The following SETD5 variants were observed in gnomAD, a reference collection of about 807,000 sequenced individuals.
SETD5 encodes the protein histone-lysine N-methyltransferase SETD5.
A neutral mutation model predicts 153.3 loss-of-function variants in SETD5; 44 were observed. The ratio of observed to expected loss-of-function variants is 0.29; its 90% CI spans 0.23 to 0.37. The LOEUF (loss-of-function observed/expected upper bound fraction) is 0.37. Ranked by LOEUF, SETD5 falls within the 10% of genes least tolerant of loss-of-function variation. SETD5 has a pLI of 1.00. For synonymous variants in SETD5, 716 were observed against 645.2 expected, an observed-to-expected ratio of 1.11 and a Z score of -1.66; for missense variants, 1,544 against 1,768.0, an observed-to-expected ratio of 0.87 and a Z score of 2.27.
intron 13 of SETD5, 40 bp from the exon 14 acceptor site, chr3:9,447,010 A>C (rs886617022): frequency 6.6e-7 from 1 of 1,520,164 alleles, no homozygotes; most frequent in South Asian, 1.2e-5. Context: ...ACTCGTCCTC[A>C]TTTGAAGCTT....
chr3:9,462,272 C>T (rs1247911796), intron 17 of SETD5, among the ~76,000 whole-genome samples: 1 of 152,190 alleles, frequency 6.6e-6, no homozygotes, highest in Non-Finnish European at 1.5e-5. Context: ...TGGGGATATA[C>T]TTTAACCTAT....
intron 17 of SETD5, among the ~76,000 whole-genome samples, chr3:9,458,868 G>T (rs1196937664): frequency 6.6e-6 from 1 of 152,030 alleles, no homozygotes; most frequent in East Asian, 1.9e-4. Flanking sequence ...TTATATATAA[G>T]GTTGGTGCAA....
At chr3:9,450,991 G>T (rs1272684574) in intron 16 of SETD5, among the ~76,000 whole-genome samples, 1 of 152,086 alleles carries the variant, frequency 6.6e-6, no homozygotes, top group African/African-American at 2.4e-5. Context: ...TTTTTAAGAA[G>T]CATTTTGCAT....
In SETD5 at chr3:9,448,351, C is replaced by G. The variant is rs1197780909; in HGVS notation, c.2104-37C>G. 9 of 1,605,492 alleles carry G rather than the reference C, an allele frequency of 5.6e-6. No homozygotes were observed. In the East Asian group the frequency reaches 1.1e-4, roughly 20 times the overall value. On this transcript the variant is annotated intron_variant, in intron 15 of 22. Coordinates refer to ENST00000402198, the MANE Select transcript of SETD5 (RefSeq NM_001080517.3). Reference sequence around the variant, plus strand: ...GTCTTTATGAACTACACTGCTACCTCTTGATTTATAAACTAATGATCTCTT... The same window carrying G: ...GTCTTTATGAACTACACTGCTACCTGTTGATTTATAAACTAATGATCTCTT...
chr3:9,455,801 T>G lies in SETD5; in HGVS notation c.2476+1933T>G, dbSNP rs542105926. Among the ~76,000 whole-genome samples the G allele has an allele frequency of 2.0e-5, 3 of 152,260 alleles. No homozygotes were observed. In the South Asian group the frequency reaches 6.2e-4, roughly 32 times the overall value. ...GTTCACATCCTGACTAGCAAAGGAT[T>G]ATAGGAAAAGTGTCTTTGTTATCAC... is the stretch of plus-strand genomic sequence containing the variant. On this transcript the variant is annotated intron_variant, in intron 17 of 22. Coordinates refer to ENST00000402198, the MANE Select transcript of SETD5 (RefSeq NM_001080517.3).
rs537895887 is a variant in SETD5, at chr3:9,456,108, C to G, written c.2476+2240C>G. Among the ~76,000 whole-genome samples, 6 of 151,978 alleles carry G rather than the reference C, an allele frequency of 3.9e-5. No homozygotes were observed. In the South Asian group the frequency reaches 1.0e-3, roughly 26 times the overall value. On this transcript the variant is annotated intron_variant, in intron 17 of 22. Transcript: ENST00000402198. ...GACATTAAGAAAGGGGAAAGGATTT[C>G]TATAATAGAAAAAATCAAACAGACC...
rs1032283971 is a variant in SETD5 at position 9,421,470 on chromosome 3, TCTC to T, written c.-176-2994_-176-2992del. On this transcript the variant is annotated intron_variant, in intron 1 of 22. Coordinates refer to ENST00000402198, the MANE Select transcript of SETD5 (RefSeq NM_001080517.3). ...GTGCTTTTTCCTAGCATACTTTTCT[TCTC>T]CTAAGGTAAAAGGCTGTTTGTCATG... 1.0e-3 allele frequency among the ~76,000 whole-genome samples: 154 copies of T among 152,174 alleles called. 1 individual carries two copies. Among genetic ancestry groups the T allele is most frequent in the African/African-American group, 3.6e-3 (151 of 41,502 alleles).
At chr3:9,426,244 T>TGGCAACAGGGAC in intron 2 of SETD5, 1 of 110,124 alleles carries the variant, frequency 9.1e-6, no homozygotes, top group African/African-American at 3.9e-5. Flanking sequence ...TTTTTTTTTT[T>TGGCAACAGGGAC]TTTTTTTTGG....
chr3:9,414,842 T>G (rs2037172626), intron 1 of SETD5, among the ~76,000 whole-genome samples: 1 of 152,114 alleles, frequency 6.6e-6, no homozygotes, highest in African/African-American at 2.4e-5. Flanking sequence ...TTTTTGTTAT[T>G]GGTTACTGAG....
intron 8 of SETD5, 136 bp from the exon 9 acceptor site, chr3:9,441,457 T>TA: frequency 1.3e-6 from 1 of 760,714 alleles, no homozygotes; most frequent in Non-Finnish European, 2.0e-6. Flanking sequence ...TTTTAAAATT[T>TA]CTCATCATTG....
chr3:9,435,951 C>G, intron 7 of SETD5, 45 bp downstream of exon 7: 3 of 1,500,150 alleles, frequency 2.0e-6, no homozygotes, highest in Non-Finnish European at 2.7e-6. Context: ...TCTGAAATAG[C>G]TTAAATTTTG....
At chr3:9,417,658 C>T (rs1444095835) in intron 1 of SETD5, among the ~76,000 whole-genome samples, 2 of 151,050 alleles carry the variant, frequency 1.3e-5, no homozygotes, top group East Asian at 2.0e-4. Flanking sequence ...GCTAATTTTT[C>T]GTATTTTTAG....
At chr3:9,405,912 C>CA (rs1303688924) in intron 1 of SETD5, among the ~76,000 whole-genome samples, 33 of 152,244 alleles carry the variant, frequency 2.2e-4, no homozygotes, top group African/African-American at 7.0e-4. Flanking sequence ...GTACATGCCA[C>CA]AACACATACA....
intron 17 of SETD5, among the ~76,000 whole-genome samples, chr3:9,463,426 T>C (rs1054569257): frequency 1.3e-5 from 2 of 152,226 alleles, no homozygotes; most frequent in African/African-American, 4.8e-5. Context: ...TAAATATATA[T>C]ACTTTTAACT....
intron 18 of SETD5, chr3:9,465,050 G>A: frequency 4.4e-6 from 1 of 229,756 alleles, no homozygotes; most frequent in East Asian, 9.6e-5. Context: ...GAGCACAGAT[G>A]ATATTGATTG....
At position 9,453,825 on chromosome 3, in the gene SETD5, C is replaced by G. The variant is rs781647056; in HGVS notation, c.2433C>G (p.Ser811Arg). 6.2e-7 allele frequency: 1 copy of G among 1,603,914 alleles called. No individual in the cohort carries two copies. The highest frequency in any genetic ancestry group is 2.2e-5 in the East Asian group (1 of 44,502). Residue 811 changes from serine to arginine, a missense_variant, in exon 17 of 23, where the codon AGC becomes AGG. Ser to Arg is a moderately radical substitution (Grantham distance 110). This residue lies in a region of SETD5 where 782 missense variants were observed against 787.2 expected (regional missense o/e 0.99). Coordinates refer to ENST00000402198, the MANE Select transcript of SETD5 (RefSeq NM_001080517.3). ...QETRTQHLYQ[S>R]NENSSSSSIC... ...CTAGAACTCAGCACCTATACCAAAG[C>G]AATGAGAATAGTAGCTCTTCTAGTA...
At chr3:9,471,766 A>G (rs951225099) in intron 19 of SETD5, among the ~76,000 whole-genome samples, 5 of 152,234 alleles carry the variant, frequency 3.3e-5, no homozygotes, top group African/African-American at 1.2e-4. Flanking sequence ...GAATTGTCCC[A>G]GTGACTTGCA....
At chr3:9,406,742 T>C (rs1432512701) in intron 1 of SETD5, among the ~76,000 whole-genome samples, 1 of 152,194 alleles carries the variant, frequency 6.6e-6, no homozygotes, top group Non-Finnish European at 1.5e-5. Context: ...TGTCGTAATT[T>C]AGTAATAGAA....
intron 3 of SETD5, among the ~76,000 whole-genome samples, chr3:9,432,033 T>C (rs1433085771): frequency 6.6e-6 from 1 of 152,172 alleles, no homozygotes; most frequent in African/African-American, 2.4e-5. Context: ...ACCTTCATTT[T>C]ATTAATGCTT....
Sources: gnomAD v4.1 joint callset for allele counts (sites outside exome capture counted in the v4.1 genomes callset) on GRCh38, gnomAD v4.1.1 for gene constraint, gnomAD v4.1.1 regional missense constraint, MANE v1.5 for transcripts, NCBI Gene and HGNC (gene_info 2026-07-23, HGNC 2026-07-21) for gene names.